The following CXXC4 variants were observed in gnomAD, a reference collection of about 807,000 sequenced individuals.
CXXC4 encodes the protein CXXC-type zinc finger protein 4.
CXXC4 carries 5 observed loss-of-function variants against 20.5 expected under a neutral mutation model. The observed-to-expected ratio is 0.24, with a 90% CI of 0.13 to 0.51. The LOEUF (loss-of-function observed/expected upper bound fraction) is 0.51, where lower values mean the gene tolerates loss of function less well. Ranked by LOEUF, CXXC4 falls within the 20% of genes least tolerant of loss-of-function variation. The pLI is 0.97. For missense variants in CXXC4, 419 were observed against 496.4 expected, an observed-to-expected ratio of 0.84 and a Z score of 1.48; for synonymous variants, 250 against 216.4, an observed-to-expected ratio of 1.16 and a Z score of -1.36.
intron 2 of CXXC4, among the ~76,000 whole-genome samples, chr4:104,474,581 G>A (rs930869146): frequency 6.6e-5 from 10 of 151,798 alleles, no homozygotes; most frequent in Non-Finnish European, 1.2e-4. Context: ...CACTTCTAAC[G>A]AGATAAGTTA....
chr4:104,489,166 T>C (rs983486737), intron 2 of CXXC4, among the ~76,000 whole-genome samples: 1 of 152,108 alleles, frequency 6.6e-6, no homozygotes, highest in Non-Finnish European at 1.5e-5. Context: ...CCAAAGAAAA[T>C]GTAATAAACC....
chr4:104,480,868 T>C (rs371897395), intron 2 of CXXC4, among the ~76,000 whole-genome samples: 63 of 129,092 alleles, frequency 4.9e-4, no homozygotes, highest in African/African-American at 9.9e-4. Flanking sequence ...CTCCCTCCCT[T>C]CCTTCCTTCC....
rs909251822 is a variant in CXXC4 at position 104,479,945 on chromosome 4, T to C, written c.1060-7579A>G. The stretch of plus-strand genomic sequence containing the variant: ...TTAATTCTCTTTTAAAATAATAAAA[T>C]TGAAAAGTATACAGTCAATAATTAA... On this transcript the variant is annotated intron_variant, in intron 2 of 2. Transcript: ENST00000394767. Among the ~76,000 whole-genome samples the C allele has an allele frequency of 2.0e-5, 3 of 152,242 alleles. No homozygotes were observed. In the South Asian group the frequency reaches 6.2e-4, roughly 32 times the overall value.
chr4:104,486,144 A>G (rs1736687045), intron 2 of CXXC4, among the ~76,000 whole-genome samples: 1 of 152,096 alleles, frequency 6.6e-6, no homozygotes, highest in African/African-American at 2.4e-5. Context: ...CATCTAAAAC[A>G]TGGCTTAGAA....
intron 2 of CXXC4, among the ~76,000 whole-genome samples, chr4:104,479,396 T>TA (rs1736498876): frequency 2.0e-5 from 3 of 152,262 alleles, no homozygotes; most frequent in Admixed American, 1.3e-4. Flanking sequence ...CTTTTATTAT[T>TA]ATAGTTCTGA....
intron 2 of CXXC4, among the ~76,000 whole-genome samples, chr4:104,481,846 T>G (rs1326365263): frequency 1.3e-5 from 2 of 152,200 alleles, no homozygotes; most frequent in Non-Finnish European, 2.9e-5. Context: ...AGCAAAGGTA[T>G]AGACCTGCCT....
At chr4:104,476,185 G>A (rs151331011) in intron 2 of CXXC4, among the ~76,000 whole-genome samples, 2 of 152,096 alleles carry the variant, frequency 1.3e-5, no homozygotes, top group African/African-American at 4.8e-5. Context: ...ATTTAATAAT[G>A]TTCCTGGCAG....
At chr4:104,474,425 G>A (rs1736353266) in intron 2 of CXXC4, among the ~76,000 whole-genome samples, 1 of 151,884 alleles carries the variant, frequency 6.6e-6, no homozygotes, top group Non-Finnish European at 1.5e-5. Flanking sequence ...ATAAGAAATA[G>A]AACATGCCCA....
At position 104,471,610 on chromosome 4, in the gene CXXC4, C is replaced by T. The variant is rs976013136; in HGVS notation, c.*712G>A. The T allele has an allele frequency of 6.6e-6, 1 of 152,010 alleles. No homozygotes were observed. Among genetic ancestry groups the T allele is most frequent in the African/African-American group, 2.4e-5 (1 of 41,418 alleles). The allele number at this position is 152,010 out of a possible 1,614,324, so 9.4% of individuals were successfully genotyped here. The stretch of plus-strand genomic sequence containing the variant: ...GCATAACCACTACTCTAATATAGTG[C>T]TCAAAAGATTAATTGAAACTTTCAT... On this transcript the variant is annotated 3_prime_UTR_variant, in exon 3 of 3. Coordinates refer to ENST00000394767, the MANE Select transcript of CXXC4 (RefSeq NM_025212.4).
At chr4:104,485,949 C>T (rs1438061883) in intron 2 of CXXC4, among the ~76,000 whole-genome samples, 1 of 152,008 alleles carries the variant, frequency 6.6e-6, no homozygotes, top group Non-Finnish European at 1.5e-5. Flanking sequence ...AAAAGCCACA[C>T]GACTTTTATT....
rs947248658 is a variant in CXXC4 at position 104,469,759 on chromosome 4, G to T, written c.*2563C>A. 1 of 151,634 alleles carries T rather than the reference G, an allele frequency of 6.6e-6. No individual in the cohort carries two copies. Among genetic ancestry groups the T allele is most frequent in the African/African-American group, 2.4e-5 (1 of 41,306 alleles). The allele number at this position is 151,634 out of a possible 1,614,324, so 9.4% of individuals were successfully genotyped here. ...ACATTAAAAAGTGGGTGGTATAAAA[G>T]AACAATATCAAGAATAAAAAACATA... On this transcript the variant is annotated 3_prime_UTR_variant, in exon 3 of 3. Transcript: ENST00000394767.
intron 1 of CXXC4, among the ~76,000 whole-genome samples, chr4:104,492,451 A>T (rs1736918460): frequency 1.3e-5 from 2 of 152,222 alleles, no homozygotes; most frequent in South Asian, 4.2e-4. Flanking sequence ...AAACATTATG[A>T]AATGTGTGAA....
chr4:104,484,362 A>G (rs990948868), intron 2 of CXXC4, among the ~76,000 whole-genome samples: 2 of 152,032 alleles, frequency 1.3e-5, no homozygotes, highest in African/African-American at 2.4e-5. Flanking sequence ...TTTCTTACCT[A>G]TGTGGCCACA....
intron 1 of CXXC4, among the ~76,000 whole-genome samples, chr4:104,493,402 C>T (rs1736955187): frequency 6.6e-6 from 1 of 152,072 alleles, no homozygotes; most frequent in South Asian, 2.1e-4. Flanking sequence ...GCCCAATAGT[C>T]TCCGTCTCAA....
chr4:104,475,462 G>A (rs116300306), intron 2 of CXXC4, among the ~76,000 whole-genome samples: 25 of 152,166 alleles, frequency 1.6e-4, no homozygotes, highest in African/African-American at 6.0e-4. Context: ...CAGGAACAAT[G>A]GAAATGTACT....
intron 2 of CXXC4, among the ~76,000 whole-genome samples, chr4:104,482,864 A>G (rs1412826738): frequency 6.6e-6 from 1 of 152,034 alleles, no homozygotes; most frequent in African/African-American, 2.4e-5. Flanking sequence ...AGTATTATCA[A>G]TAATCCAGTT....
chr4:104,478,695 C>T (rs1023452703), intron 2 of CXXC4, among the ~76,000 whole-genome samples: 7 of 151,812 alleles, frequency 4.6e-5, no homozygotes, highest in African/African-American at 1.5e-4. Flanking sequence ...AAACATAGTA[C>T]GGTGGTACCA....
At chr4:104,493,953 A>G (rs1349178865) in intron 1 of CXXC4, among the ~76,000 whole-genome samples, 1 of 152,182 alleles carries the variant, frequency 6.6e-6, no homozygotes, top group African/African-American at 2.4e-5. Context: ...TTCCAAATAA[A>G]TAAATAATTT....
intron 2 of CXXC4, among the ~76,000 whole-genome samples, chr4:104,487,371 C>A (rs1246815178): frequency 6.6e-6 from 1 of 152,140 alleles, no homozygotes; most frequent in Non-Finnish European, 1.5e-5. Flanking sequence ...TCAATCATGT[C>A]ACCTGAACAA....
Sources: allele counts gnomAD v4.1 joint callset (sites outside exome capture counted in the v4.1 genomes callset), GRCh38; gene constraint gnomAD v4.1.1; transcripts MANE v1.5; gene names NCBI Gene and HGNC (gene_info 2026-07-23, HGNC 2026-07-21).